The following CD163L1 variants were observed in gnomAD, a reference collection of about 807,000 sequenced individuals.
CD163L1 encodes CD163 molecule like 1, also known as scavenger receptor cysteine-rich type 1 protein M160.
In CD163L1, 124 loss-of-function variants were observed where a neutral mutation model predicts 165.4. The observed-to-expected ratio is 0.75, with a 90% confidence interval of 0.65 to 0.87. CD163L1 has a LOEUF of 0.87. Among genes scored for constraint, CD163L1 ranks in the 40% least tolerant of loss-of-function variants. The pLI is 0.00. For missense variants in CD163L1, 1,525 were observed against 1,799.9 expected (o/e 0.85, Z 2.76); for synonymous variants, 585 against 662.2 (o/e 0.88, Z 1.79).
rs1366335122 is a variant in CD163L1, at chr12:7,421,496, TATGTAC to T, written c.766+10914_766+10919del. ...ATACATATATGTACATATATACATA[TATGTAC>T]ATATACATATACATATATGTACATA... On this transcript the variant is annotated intron_variant, in intron 4 of 19. Coordinates refer to ENST00000313599, the MANE Select transcript of CD163L1 (RefSeq NM_174941.6). 2.9e-3 allele frequency among the ~76,000 whole-genome samples: 261 copies of T among 89,382 alleles called. 18 individuals carry two copies. Among genetic ancestry groups the T allele is most frequent in the East Asian group, 6.4e-3 (18 of 2,806 alleles). 58.6% of individuals were successfully genotyped at this position (89,382 alleles called of 152,430 possible). A position where few individuals can be genotyped will look rare whatever the true frequency, so the allele number is the denominator to read the frequency against.
At chr12:7,416,932 T>C (rs893582120) in intron 4 of CD163L1, among the ~76,000 whole-genome samples, 17 of 152,182 alleles carry the variant, frequency 1.1e-4, no homozygotes, top group Admixed American at 1.0e-3. Context: ...CAATATGAAG[T>C]AGTTTTTTCT....
At chr12:7,422,370 G>A (rs775443333) in intron 4 of CD163L1, among the ~76,000 whole-genome samples, 25 of 151,936 alleles carry the variant, frequency 1.6e-4, no homozygotes, top group African/African-American at 2.7e-4. Flanking sequence ...TCCCAAAACC[G>A]GAATATCTCT....
intron 5 of CD163L1, among the ~76,000 whole-genome samples, chr12:7,404,189 T>C (rs1325903508): frequency 6.6e-6 from 1 of 152,126 alleles, no homozygotes; most frequent in African/African-American, 2.4e-5. Context: ...TAAAAAGCCA[T>C]ATAAACCTAT....
intron 18 of CD163L1, among the ~76,000 whole-genome samples, chr12:7,365,294 A>G (rs58641252): frequency 0.031 from 4,696 of 152,224 alleles, 255 homozygotes; most frequent in African/African-American, 0.11. Context: ...TAAATGTAAG[A>G]CCTGAAACTA....
intron 4 of CD163L1, among the ~76,000 whole-genome samples, chr12:7,421,023 AC>A (rs1948343672): frequency 1.2e-5 from 1 of 81,752 alleles, no homozygotes; most frequent in East Asian, 3.4e-4. Flanking sequence ...GTATATATAT[AC>A]ATATATATAT....
At position 7,374,714 on chromosome 12, in the gene CD163L1, G is replaced by C; in HGVS notation, c.3137C>G (p.Ala1046Gly). Residue 1046 changes from alanine (A) to glycine (G), a missense_variant, in exon 13 of 20, where the codon GCC (alanine) becomes GGC (glycine). By Grantham distance (60) the Ala-to-Gly change is moderately conservative. Coordinates refer to ENST00000313599, the MANE Select transcript of CD163L1 (RefSeq NM_174941.6). This position sits in a 1 kb window ranked among gnomAD's most constrained non-coding sequence, Gnocchi z 5.4. ...GTCGTGATAGATCTCTACTCTCCCG[G>C]CACAGCGGCTGTCCCCATCCACTAG... is the stretch of plus-strand genomic sequence containing the variant. ...LRLVDGDSRC[A>G]GRVEIYHDGF... The C allele has an allele frequency of 6.2e-7, 1 of 1,614,044 alleles. No individual in the cohort carries two copies. Among genetic ancestry groups the C allele is most frequent in the Non-Finnish European group, 8.5e-7 (1 of 1,179,942 alleles).
chr12:7,356,805 G>A (rs1946783815), intron 19 of CD163L1, among the ~76,000 whole-genome samples: 1 of 152,050 alleles, frequency 6.6e-6, no homozygotes, highest in Admixed American at 6.6e-5. Flanking sequence ...ACCAGTAAGT[G>A]TTTTAGAACT....
chr12:7,420,266 A>G (rs1324979788), intron 4 of CD163L1, among the ~76,000 whole-genome samples: 2 of 152,050 alleles, frequency 1.3e-5, no homozygotes, highest in Non-Finnish European at 2.9e-5. Context: ...AAAAGATAAC[A>G]TCGGAAAAAC....
chr12:7,320,720 T>C, the CD163L1 span: 1 of 1,610,980 alleles, frequency 6.2e-7, no homozygotes, highest in Non-Finnish European at 8.5e-7. Context: ...TTCTCCATCA[T>C]CCAGACACTT....
At chr12:7,331,839 A>T in the CD163L1 span, among the ~76,000 whole-genome samples, 1 of 152,250 alleles carries the variant, frequency 6.6e-6, no homozygotes, top group Non-Finnish European at 1.5e-5. Flanking sequence ...GGGAAAAAAC[A>T]GAGCAGAAAA....
intron 2 of CD163L1, among the ~76,000 whole-genome samples, chr12:7,437,846 A>G (rs1948760142): frequency 6.6e-6 from 1 of 151,746 alleles, no homozygotes; most frequent in Non-Finnish European, 1.5e-5. Context: ...AAAATATCAA[A>G]TTCAAAACCC....
At chr12:7,441,376 C>T (rs1182721779) in intron 1 of CD163L1, 130 bp from the exon 2 acceptor site, 4 of 653,354 alleles carry the variant, frequency 6.1e-6, no homozygotes, top group African/African-American at 1.8e-5. Context: ...TCAAGGATAC[C>T]GCACAAGAAA....
At chr12:7,375,230 C>T (rs1195786240) in intron 11 of CD163L1, 51 bp downstream of exon 11, 1 of 1,573,994 alleles carries the variant, frequency 6.4e-7, no homozygotes, top group Non-Finnish European at 8.7e-7. Context: ...ACTCCCTCTA[C>T]CATGTCTGGG....
intron 8 of CD163L1, among the ~76,000 whole-genome samples, chr12:7,380,274 GGTGT>G (rs56789470): frequency 0.56 from 82,018 of 146,774 alleles, 24,240 homozygotes; most frequent in Non-Finnish European, 0.67. Flanking sequence ...AAGAAACTGT[GGTGT>G]GTGTGTGTGT....
At chr12:7,373,283 G>T in intron 14 of CD163L1, 37 bp downstream of exon 14, 1 of 1,520,730 alleles carries the variant, frequency 6.6e-7, no homozygotes, top group Non-Finnish European at 8.9e-7. Context: ...TATTTCACAG[G>T]GCTTCAGTGA....
intron 6 of CD163L1, among the ~76,000 whole-genome samples, chr12:7,402,998 A>C (rs1249867392): frequency 6.6e-6 from 1 of 152,130 alleles, no homozygotes; most frequent in East Asian, 1.9e-4. Flanking sequence ...TATACTTAAA[A>C]TATTTCATAA....
the CD163L1 span, among the ~76,000 whole-genome samples, chr12:7,336,415 A>C: frequency 6.6e-6 from 1 of 152,160 alleles, no homozygotes; most frequent in African/African-American, 2.4e-5. Context: ...AGGACAAAAA[A>C]CCAAACACCA....
chr12:7,341,917 A>G (rs1391990245), downstream of CD163L1, among the ~76,000 whole-genome samples: 1 of 152,230 alleles, frequency 6.6e-6, no homozygotes, highest in Non-Finnish European at 1.5e-5. Context: ...TGAGACTCTC[A>G]GAAAAGTTCA....
chr12:7,378,689 TTAAC>T (rs1172495546), intron 9 of CD163L1, among the ~76,000 whole-genome samples: 1 of 152,206 alleles, frequency 6.6e-6, no homozygotes, highest in African/African-American at 2.4e-5. Flanking sequence ...ACATCTTTCC[TTAAC>T]TATCACTTCA....
Sources: gnomAD v4.1 joint callset for allele counts (sites outside exome capture counted in the v4.1 genomes callset) on GRCh38, gnomAD v4.1.1 for gene constraint, Gnocchi (gnomAD v3.1) non-coding constraint, MANE v1.5 for transcripts, NCBI Gene and HGNC (gene_info 2026-07-23, HGNC 2026-07-21) for gene names.